The following HS3ST5 variants were observed in gnomAD, a reference collection of about 807,000 sequenced individuals.
HS3ST5 encodes the protein heparan sulfate glucosamine 3-O-sulfotransferase 5.
HS3ST5 carries 10 observed loss-of-function variants against 25.4 expected under a neutral mutation model. That is an observed-to-expected ratio of 0.39 (90% CI 0.24 to 0.67). The LOEUF (loss-of-function observed/expected upper bound fraction) is 0.67. HS3ST5 is among the 30% of genes least tolerant of loss of function. The pLI is 0.44. For synonymous variants in HS3ST5, 170 were observed against 162.4 expected (o/e 1.05, Z -0.36); for missense variants, 324 against 420.7 (o/e 0.77, Z 2.01).
intron 3 of HS3ST5, among the ~76,000 whole-genome samples, chr6:114,094,373 A>G (rs541777807): frequency 6.6e-6 from 1 of 152,350 alleles, no homozygotes; most frequent in African/African-American, 2.4e-5. Flanking sequence ...AGTGTTATTT[A>G]GTTTTAGGTA....
intron 3 of HS3ST5, among the ~76,000 whole-genome samples, chr6:114,140,852 C>T (rs189783403): frequency 9.9e-5 from 15 of 152,140 alleles, no homozygotes; most frequent in Non-Finnish European, 1.9e-4. Flanking sequence ...TTTGCATTTA[C>T]TAGTTATGTA....
At chr6:114,217,393 T>TATATGC (rs1427185941) in intron 2 of HS3ST5, among the ~76,000 whole-genome samples, 1 of 152,220 alleles carries the variant, frequency 6.6e-6, no homozygotes, top group Admixed American at 6.5e-5. Flanking sequence ...CACAACTCAA[T>TATATGC]ATATGCATAT....
At chr6:114,339,626 T>C (rs765366478) in intron 1 of HS3ST5, among the ~76,000 whole-genome samples, 2 of 152,148 alleles carry the variant, frequency 1.3e-5, no homozygotes, top group Non-Finnish European at 2.9e-5. Flanking sequence ...TAATGACAAA[T>C]TCAGAGCTGG....
intron 1 of HS3ST5, among the ~76,000 whole-genome samples, chr6:114,292,406 G>A (rs1490601945): frequency 1.3e-5 from 2 of 152,228 alleles, no homozygotes; most frequent in East Asian, 3.9e-4. Flanking sequence ...ACTCCTGCAA[G>A]CCCTTTTCAT....
chr6:114,180,328 T>G (rs908936), intron 2 of HS3ST5, among the ~76,000 whole-genome samples: 65,104 of 151,872 alleles, frequency 0.43, 15,208 homozygotes, highest in East Asian at 0.67. Flanking sequence ...GAGGTCTTTC[T>G]CTGCTTGGGC....
intron 1 of HS3ST5, among the ~76,000 whole-genome samples, chr6:114,308,080 T>C (rs1775371622): frequency 6.6e-6 from 1 of 152,144 alleles, no homozygotes; most frequent in African/African-American, 2.4e-5. Flanking sequence ...AAGTAATTAA[T>C]AGACTACTCT....
rs553539807 is a variant in HS3ST5 at position 114,077,979 on chromosome 6, T to G, written c.-32-15102A>C. Among the ~76,000 whole-genome samples, 14 of 152,330 alleles carry G rather than the reference T, an allele frequency of 9.2e-5. No individual in the cohort carries two copies. The East Asian group carries it at 2.5e-3, about 27-fold the overall frequency. On this transcript the variant is annotated intron_variant, in intron 3 of 4. Coordinates refer to ENST00000312719, the MANE Select transcript of HS3ST5 (RefSeq NM_153612.4). ...CATGTATTTCTTTCATAATGACTGA[T>G]GATGAATGCTGATTTTTAACATTAA...
At chr6:114,278,744 A>G (rs1562261844) in intron 1 of HS3ST5, among the ~76,000 whole-genome samples, 1 of 152,016 alleles carries the variant, frequency 6.6e-6, no homozygotes, top group Non-Finnish European at 1.5e-5. Flanking sequence ...GTGAATTTAT[A>G]TTAAAAAAGA....
intron 1 of HS3ST5, among the ~76,000 whole-genome samples, chr6:114,296,048 A>G (rs894034684): frequency 6.6e-6 from 1 of 152,192 alleles, no homozygotes; most frequent in African/African-American, 2.4e-5. Context: ...CTATCTCTCA[A>G]TGTAATGGCT....
intron 1 of HS3ST5, among the ~76,000 whole-genome samples, chr6:114,240,644 C>T (rs569023600): frequency 1.2e-4 from 18 of 152,192 alleles, no homozygotes; most frequent in African/African-American, 3.9e-4. Flanking sequence ...AAAAAGCTCG[C>T]CATGTAATCT....
chr6:114,187,427 A>C (rs1780279349), intron 2 of HS3ST5, among the ~76,000 whole-genome samples: 1 of 152,252 alleles, frequency 6.6e-6, no homozygotes, highest in African/African-American at 2.4e-5. Flanking sequence ...TCAAGACTTC[A>C]GCAGAGGAAG....
rs374975721 is a variant in HS3ST5 at position 114,057,601 on chromosome 6, T to C, written c.697A>G (p.Ile233Val). The C allele has an allele frequency of 3.1e-6, 5 of 1,614,064 alleles. No individual in the cohort carries two copies. Among genetic ancestry groups the C allele is most frequent in the African/African-American group, 2.7e-5 (2 of 74,922 alleles). ...NTKYKAVRTS[I>V]YTKHLERWLK... is the part of the protein sequence containing the mutation. The stretch of plus-strand genomic sequence containing the variant: ...CACCTTTCCAGATGTTTGGTGTAGA[T>C]GCTGGTTCTTACTGCTTTGTATTTT... The change falls in exon 5 of 5, where the codon ATC becomes GTC. Residue 233 changes from isoleucine (I) to valine (V), a missense_variant. By Grantham distance (29) the Ile-to-Val change is conservative. Around this residue, in one of 2 missense-constraint regions of HS3ST5, gnomAD observed 203 missense variants for 303.4 expected, o/e 0.67. Transcript: ENST00000312719.
At chr6:114,151,242 C>T (rs1472065524) in intron 3 of HS3ST5, among the ~76,000 whole-genome samples, 1 of 152,082 alleles carries the variant, frequency 6.6e-6, no homozygotes, top group African/African-American at 2.4e-5. Context: ...AATAAAAATC[C>T]TTTTTTATAA....
intron 1 of HS3ST5, among the ~76,000 whole-genome samples, chr6:114,308,063 A>T (rs1268491583): frequency 6.6e-6 from 1 of 152,210 alleles, no homozygotes; most frequent in African/African-American, 2.4e-5. Flanking sequence ...GTTCACAGAG[A>T]GAAAATAAGT....
intron 1 of HS3ST5, among the ~76,000 whole-genome samples, chr6:114,319,928 C>T (rs903917224): frequency 6.6e-6 from 1 of 152,034 alleles, no homozygotes; most frequent in African/African-American, 2.4e-5. Flanking sequence ...CTCTCTCATC[C>T]TTTTTCATAA....
intron 3 of HS3ST5, among the ~76,000 whole-genome samples, chr6:114,153,635 G>C (rs1220607259): frequency 6.6e-6 from 1 of 152,228 alleles, no homozygotes; most frequent in Non-Finnish European, 1.5e-5. Context: ...AGGTATGATA[G>C]AAGTGGCAGT....
intron 1 of HS3ST5, among the ~76,000 whole-genome samples, chr6:114,338,273 A>G (rs779956266): frequency 1.3e-5 from 2 of 151,852 alleles, no homozygotes; most frequent in Non-Finnish European, 2.9e-5. Context: ...AATATATACT[A>G]TTTACATATG....
chr6:114,293,116 C>T (rs114326007), intron 1 of HS3ST5, among the ~76,000 whole-genome samples: 2,000 of 152,114 alleles, frequency 0.013, 37 homozygotes, highest in African/African-American at 0.046. Context: ...CTTAACTCAA[C>T]TCTTTGGAAG....
In HS3ST5 at chr6:114,260,787, A is replaced by T. The variant is rs192094831; in HGVS notation, c.-338-32009T>A. 1.6e-4 allele frequency among the ~76,000 whole-genome samples: 24 copies of T among 152,382 alleles called. 1 individual carries two copies. The East Asian group carries it at 4.4e-3, about 28-fold the overall frequency. On this transcript the variant is annotated intron_variant, in intron 1 of 4. Coordinates refer to ENST00000312719, the MANE Select transcript of HS3ST5 (RefSeq NM_153612.4). ...TGCAAAGGGACAGAGTTGAGAAAGC[A>T]TGATCTGTTCAAGAAGCCTAAAGTG...
Sources: allele counts gnomAD v4.1 joint callset (sites outside exome capture counted in the v4.1 genomes callset), GRCh38; gene constraint gnomAD v4.1.1; regional missense constraint gnomAD v4.1.1; transcripts MANE v1.5; gene names NCBI Gene and HGNC (gene_info 2026-07-23, HGNC 2026-07-21).